Variants in FAM228A observed in about 807,000 individuals in gnomAD.
The protein encoded by FAM228A is protein FAM228A.
Under a neutral mutation model 18.6 loss-of-function variants are expected in FAM228A, and 13 were observed. That is an observed-to-expected ratio of 0.70 (90% CI 0.45 to 1.11). FAM228A has a LOEUF of 1.11. Among genes scored for constraint, FAM228A ranks in the 50% least tolerant of loss-of-function variants. FAM228A has a pLI of 0.00. For synonymous variants in FAM228A, 77 were observed against 86.6 expected (o/e 0.89, Z 0.61); for missense variants, 240 against 242.2 (o/e 0.99, Z 0.06).
chr2:24,175,699 A>G (rs1667665852), intron 2 of FAM228A, 126 bp downstream of exon 2: 3 of 798,172 alleles, frequency 3.8e-6, no homozygotes, highest in African/African-American at 1.7e-5. Context: ...GCAGGCGTTG[A>G]AGGGGAATGT....
intron 3 of FAM228A, among the ~76,000 whole-genome samples, chr2:24,179,551 A>G (rs530732943): frequency 1.4e-4 from 21 of 152,214 alleles, no homozygotes; most frequent in Admixed American, 3.3e-4. Context: ...CATTTACTTC[A>G]CAAGAAATTA....
At chr2:24,183,753 T>TTTATTA in intron 5 of FAM228A, 108 bp downstream of exon 5, 7 of 871,310 alleles carry the variant, frequency 8.0e-6, no homozygotes, top group Non-Finnish European at 8.7e-6. Context: ...AGTTTATAGT[T>TTTATTA]TTATTATTAT....
intron 5 of FAM228A, among the ~76,000 whole-genome samples, 180 bp from the exon 6 acceptor site, chr2:24,190,232 T>G (rs1668047422): frequency 6.6e-6 from 1 of 152,044 alleles, no homozygotes; most frequent in Admixed American, 6.5e-5. Context: ...TCCCTAGGAA[T>G]TGGGCCAGCA....
intron 5 of FAM228A, among the ~76,000 whole-genome samples, chr2:24,187,776 T>A (rs979031928): frequency 6.6e-6 from 1 of 152,248 alleles, no homozygotes; most frequent in Non-Finnish European, 1.5e-5. Flanking sequence ...AACATATATC[T>A]TGTTGTCTTT....
intron 3 of FAM228A, among the ~76,000 whole-genome samples, chr2:24,178,854 ATTCATGAGTTAGATG>A (rs1287879932): frequency 6.6e-6 from 1 of 152,212 alleles, no homozygotes; most frequent in Non-Finnish European, 1.5e-5. Flanking sequence ...GCTTAATCTG[ATTCATGAGTTAGATG>A]TGGTTAAATC....
chr2:24,184,145 C>T (rs1667885810), intron 5 of FAM228A, among the ~76,000 whole-genome samples: 1 of 152,112 alleles, frequency 6.6e-6, no homozygotes, highest in African/African-American at 2.4e-5. Flanking sequence ...TTTGGGAGGC[C>T]GAGGCAGGTG....
At chr2:24,176,213 T>C in intron 2 of FAM228A, 1 of 983,872 alleles carries the variant, frequency 1.0e-6, no homozygotes, top group Non-Finnish European at 1.2e-6. Context: ...GGATGTTCTT[T>C]AAGAAGGTGA....
At chr2:24,179,131 G>T in intron 3 of FAM228A, 1 of 1,087,924 alleles carries the variant, frequency 9.2e-7, no homozygotes, top group South Asian at 2.3e-5. Flanking sequence ...TGTATTTTCA[G>T]CATGTGGATA....
intron 3 of FAM228A, among the ~76,000 whole-genome samples, chr2:24,181,886 A>T (rs748629400): frequency 8.5e-5 from 13 of 152,052 alleles, no homozygotes; most frequent in Non-Finnish European, 1.8e-4. Context: ...AGTAATTTAG[A>T]CTCCTGTGGA....
At chr2:24,188,457 T>C (rs1421516870) in intron 5 of FAM228A, 14 of 985,326 alleles carry the variant, frequency 1.4e-5, no homozygotes, top group Non-Finnish European at 1.6e-5. Context: ...CTGTCTGTAC[T>C]CGGGGCCTGG....
At position 24,175,556 on chromosome 2, in the gene FAM228A, TC is replaced by T. The variant is rs1398861614; in HGVS notation, c.78del (p.Val27PhefsTer3). The T allele has an allele frequency of 6.2e-7, 1 of 1,613,926 alleles. No individual in the cohort carries two copies. Among genetic ancestry groups the T allele is most frequent in the Admixed American group, 1.7e-5 (1 of 60,028 alleles). ...EKLREWPEPE[S>X]VSLMEVLARE... ...GTTAAGAGAATGGCCGGAGCCCGAG[TC>T]CGTTTCTTTAATGGAGGTGAGATAA... On this transcript the variant is annotated frameshift_variant, in exon 2 of 6. Coordinates refer to ENST00000295150, the MANE Select transcript of FAM228A (RefSeq NM_001040710.3). LOFTEE classifies it high-confidence loss of function.
At chr2:24,183,686 A>T in intron 5 of FAM228A, 41 bp downstream of exon 5, 5 of 1,524,946 alleles carry the variant, frequency 3.3e-6, no homozygotes, top group Non-Finnish European at 4.4e-6. Context: ...TTTAACTTGC[A>T]ACTTACTTTA....
chr2:24,175,724 G>T (rs1209055762), intron 2 of FAM228A, 151 bp downstream of exon 2: 7 of 756,528 alleles, frequency 9.3e-6, no homozygotes, highest in Non-Finnish European at 1.5e-5. Flanking sequence ...GCTCAGATTT[G>T]GCCGAGAGTG....
intron 3 of FAM228A, among the ~76,000 whole-genome samples, chr2:24,180,853 G>A (rs1167034981): frequency 6.6e-6 from 1 of 152,164 alleles, no homozygotes; most frequent in Admixed American, 6.5e-5. Flanking sequence ...AAAACCTTTA[G>A]AAAAGAGTTG....
rs569280324 is a variant in FAM228A at position 24,181,075 on chromosome 2, A to G, written c.163-2210A>G. 1.8e-4 allele frequency among the ~76,000 whole-genome samples: 27 copies of G among 151,978 alleles called. No homozygotes were observed. The East Asian group carries it at 2.5e-3, about 14-fold the overall frequency. Reference sequence around the variant, plus strand: ...GACTTTCTTGAGGTTAAAATTACCAAAAAAAGTACCTGCCTCATGGAGCAG... The same window carrying G: ...GACTTTCTTGAGGTTAAAATTACCAGAAAAAGTACCTGCCTCATGGAGCAG... On this transcript the variant is annotated intron_variant, in intron 3 of 5. Transcript: ENST00000295150.
At position 24,190,659 on chromosome 2, in the gene FAM228A, C is replaced by T. The variant is rs374463288; in HGVS notation, c.*28C>T. 107 of 1,516,856 alleles carry T rather than the reference C, an allele frequency of 7.1e-5. No individual in the cohort carries two copies. In the Admixed American group the frequency reaches 1.6e-3, roughly 22 times the overall value. 94.0% of individuals were successfully genotyped at this position (1,516,856 alleles called of 1,614,324 possible). A position where few individuals can be genotyped will look rare whatever the true frequency, so the allele number is the denominator to read the frequency against. On this transcript the variant is annotated 3_prime_UTR_variant, in exon 6 of 6. Coordinates refer to ENST00000295150, the MANE Select transcript of FAM228A (RefSeq NM_001040710.3). Reference sequence around the variant, plus strand: ...CACCGCCACAGCCCTCCCTGTCAGACAGGCACCCAAGGGCGGAGGAGGCAT... The same window carrying T: ...CACCGCCACAGCCCTCCCTGTCAGATAGGCACCCAAGGGCGGAGGAGGCAT...
chr2:24,177,123 G>A (rs1339048392), intron 2 of FAM228A, among the ~76,000 whole-genome samples: 7 of 152,178 alleles, frequency 4.6e-5, no homozygotes, highest in African/African-American at 1.4e-4. Context: ...AGCAAAAGGC[G>A]GGAAACTTCA....
intron 5 of FAM228A, among the ~76,000 whole-genome samples, chr2:24,186,053 TC>T (rs1667941546): frequency 6.6e-6 from 1 of 152,062 alleles, no homozygotes; most frequent in South Asian, 2.1e-4. Flanking sequence ...TGAGATGGAG[TC>T]TCGCTCTGTC....
rs1668075689 is a variant in FAM228A at position 24,191,186 on chromosome 2, T to A, written c.*555T>A. The A allele has an allele frequency of 1.0e-6, 1 of 985,670 alleles. No individual in the cohort carries two copies. Among genetic ancestry groups the A allele is most frequent in the Non-Finnish European group, 1.2e-6 (1 of 830,134 alleles). 61.1% of individuals were successfully genotyped at this position (985,670 alleles called of 1,614,324 possible). On this transcript the variant is annotated 3_prime_UTR_variant, in exon 6 of 6. Coordinates refer to ENST00000295150, the MANE Select transcript of FAM228A (RefSeq NM_001040710.3). ...CTGGTCTATTTCCCCTTCCATTCTC[T>A]CCGCCACGCCCTGTGCCCTGAGGCC...
Sources: gnomAD v4.1 joint callset for allele counts (sites outside exome capture counted in the v4.1 genomes callset) on GRCh38, gnomAD v4.1.1 for gene constraint, MANE v1.5 for transcripts, NCBI Gene and HGNC (gene_info 2026-07-23, HGNC 2026-07-21) for gene names.